P3H2: variants seen among roughly 807,000 people sequenced by gnomAD.
P3H2 encodes leprecan-like 1.
In P3H2, 80 loss-of-function variants were observed where a neutral mutation model predicts 87.0. The observed-to-expected ratio is 0.92, with a 90% CI of 0.77 to 1.11. The LOEUF (loss-of-function observed/expected upper bound fraction) is 1.11, where lower values mean the gene tolerates loss of function less well. Among genes scored for constraint, P3H2 ranks in the 50% least tolerant of loss-of-function variants. P3H2 has a pLI of 0.00. For missense variants in P3H2, 1,001 were observed against 923.9 expected, an observed-to-expected ratio of 1.08 and a Z score of -1.08; for synonymous variants, 367 against 359.3, an observed-to-expected ratio of 1.02 and a Z score of -0.24.
intron 6 of P3H2, among the ~76,000 whole-genome samples, chr3:189,985,466 G>T (rs1723661411): frequency 6.6e-6 from 1 of 151,456 alleles, no homozygotes; most frequent in Non-Finnish European, 1.5e-5. Context: ...GGATTCAAAT[G>T]CCTGTTCAAT....
chr3:190,073,429 A>G (rs1009083801), intron 1 of P3H2, among the ~76,000 whole-genome samples: 5 of 152,160 alleles, frequency 3.3e-5, no homozygotes, highest in African/African-American at 1.2e-4. Flanking sequence ...AGCCATAAAC[A>G]ATCTGCTTGT....
At chr3:190,087,319 A>G (rs1475660326) in intron 1 of P3H2, among the ~76,000 whole-genome samples, 3 of 151,936 alleles carry the variant, frequency 2.0e-5, no homozygotes, top group East Asian at 1.9e-4. Context: ...GGCAAATCAC[A>G]AGGTCAGGAG....
chr3:189,972,836 T>C (rs1723214868), intron 11 of P3H2, 38 bp downstream of exon 11: 1 of 1,609,774 alleles, frequency 6.2e-7, no homozygotes, highest in East Asian at 2.2e-5. Context: ...CCCAATGTAT[T>C]GTGGGTAAAA....
intron 8 of P3H2, among the ~76,000 whole-genome samples, chr3:189,982,114 T>C (rs115567998): frequency 1.8e-3 from 275 of 150,110 alleles, no homozygotes; most frequent in African/African-American, 6.5e-3. Flanking sequence ...AGGTGATATA[T>C]TTTTGATATC....
intron 1 of P3H2, among the ~76,000 whole-genome samples, chr3:190,022,527 C>G (rs1228154198): frequency 1.5e-5 from 2 of 134,816 alleles, no homozygotes; most frequent in African/African-American, 2.6e-5. Flanking sequence ...CTTGTATATA[C>G]TTTTTTATTT....
Position 189,994,215 on chromosome 3 carries a change from T to C in P3H2, c.702A>G (p.Glu234=). 2 of 1,613,940 alleles carry C rather than the reference T, an allele frequency of 1.2e-6. No homozygotes were observed. The highest frequency in any genetic ancestry group is 1.1e-5 in the South Asian group (1 of 91,070). ...CAACGAAATATTCTCTTAAGGCTTGTTCGAAGTGCCTGATAGCCATCTCAA... is the reference window on the plus strand; with the variant it reads ...CAACGAAATATTCTCTTAAGGCTTGCTCGAAGTGCCTGATAGCCATCTCAA... ...DDFEMAIRHF[E]QALREYFVED... The change falls in exon 3 of 15, where the codon GAA becomes GAG. Residue 234 remains glutamate, a synonymous_variant. Coordinates refer to ENST00000319332, the MANE Select transcript of P3H2 (RefSeq NM_018192.4).
chr3:190,090,226 C>T lies in P3H2; in HGVS notation c.480+30026G>A, dbSNP rs9682257. On this transcript the variant is annotated intron_variant, in intron 1 of 14. Transcript: ENST00000319332. ...GGAAATTTCTTTAGAAGATATCATT[C>T]GTTTTTATTTTTTTCCATTTCTCCT... is the stretch of plus-strand genomic sequence containing the variant. Among the ~76,000 whole-genome samples, 58 of 152,214 alleles carry T rather than the reference C, an allele frequency of 3.8e-4. 3 individuals are homozygous for T. Among genetic ancestry groups the T allele is most frequent in the African/African-American group, 1.4e-3 (57 of 41,542 alleles).
intron 1 of P3H2, among the ~76,000 whole-genome samples, chr3:190,080,208 G>C (rs1335165985): frequency 1.3e-5 from 2 of 152,158 alleles, no homozygotes; most frequent in Non-Finnish European, 2.9e-5. Context: ...ATGATGCATT[G>C]AGGCAAACCC....
At chr3:190,092,812 C>T (rs1266729428) in intron 1 of P3H2, among the ~76,000 whole-genome samples, 1 of 152,146 alleles carries the variant, frequency 6.6e-6, no homozygotes, top group African/African-American at 2.4e-5. Flanking sequence ...AATATCCTTC[C>T]TTCCTATTCT....
Position 189,973,629 on chromosome 3 carries a change from T to C in P3H2, c.1548+280A>G, listed in dbSNP as rs142382756. Among the ~76,000 whole-genome samples the C allele has an allele frequency of 6.6e-3, 988 of 149,360 alleles. 12 individuals carry two copies. Among genetic ancestry groups the C allele is most frequent in the African/African-American group, 0.023 (950 of 40,670 alleles). On this transcript the variant is annotated intron_variant, in intron 10 of 14. Transcript: ENST00000319332. ...ACCTCTGCCTCCCAGGTTCACGCCA[T>C]TCTCCTGCCTCAGCCTCCCGAGTAG...
At chr3:189,975,156 A>G (rs1371215328) in intron 8 of P3H2, among the ~76,000 whole-genome samples, 1 of 142,904 alleles carries the variant, frequency 7.0e-6, no homozygotes, top group African/African-American at 2.5e-5. Context: ...GTCACACCCA[A>G]GTCACTTGAC....
intron 13 of P3H2, among the ~76,000 whole-genome samples, chr3:189,966,111 AAG>A (rs1437920455): frequency 3.4e-5 from 4 of 118,836 alleles, no homozygotes; most frequent in South Asian, 5.1e-4. Context: ...AGAAAAAAGA[AAG>A]AAAGAAAGAA....
At chr3:190,032,833 G>A (rs1389083202) in intron 1 of P3H2, among the ~76,000 whole-genome samples, 1 of 152,124 alleles carries the variant, frequency 6.6e-6, no homozygotes, top group African/African-American at 2.4e-5. Context: ...GCACCACGGT[G>A]GGGATTGTGA....
At chr3:190,013,802 G>A (rs1724668930) in intron 1 of P3H2, among the ~76,000 whole-genome samples, 1 of 152,128 alleles carries the variant, frequency 6.6e-6, no homozygotes, top group African/African-American at 2.4e-5. Flanking sequence ...AATCCTCCAC[G>A]AGAGAAGAAA....
intron 1 of P3H2, among the ~76,000 whole-genome samples, chr3:190,101,830 G>C (rs1328964048): frequency 6.6e-6 from 1 of 152,200 alleles, no homozygotes; most frequent in Non-Finnish European, 1.5e-5. Context: ...TTCTTAGCTA[G>C]AGAAAATGTT....
chr3:190,099,556 A>G (rs565131844), intron 1 of P3H2, among the ~76,000 whole-genome samples: 27 of 152,314 alleles, frequency 1.8e-4, no homozygotes, highest in African/African-American at 6.5e-4. Flanking sequence ...TTAATTCACA[A>G]TATTGTGTAA....
chr3:190,005,514 G>T (rs1724361836), intron 1 of P3H2, among the ~76,000 whole-genome samples: 1 of 152,184 alleles, frequency 6.6e-6, no homozygotes, highest in Admixed American at 6.5e-5. Context: ...CAACATGCTT[G>T]GTCTCCCTTC....
At chr3:190,104,733 A>G (rs1049435382) in intron 1 of P3H2, among the ~76,000 whole-genome samples, 2 of 152,102 alleles carry the variant, frequency 1.3e-5, no homozygotes, top group Non-Finnish European at 2.9e-5. Flanking sequence ...TTAACTTAAA[A>G]CCCCCAGTGG....
chr3:190,104,311 C>T (rs772427278), intron 1 of P3H2, among the ~76,000 whole-genome samples: 7 of 152,096 alleles, frequency 4.6e-5, no homozygotes, highest in Admixed American at 6.6e-5. Flanking sequence ...CGGCTCAATT[C>T]ACCTTTATGT....
Sources: gnomAD v4.1 joint callset for allele counts (sites outside exome capture counted in the v4.1 genomes callset) on GRCh38, gnomAD v4.1.1 for gene constraint, MANE v1.5 for transcripts, NCBI Gene and HGNC (gene_info 2026-07-23, HGNC 2026-07-21) for gene names.